Variants in PAG1 observed in about 807,000 individuals in gnomAD.
PAG1 encodes phosphoprotein associated with glycosphingolipid-enriched microdomains 1.
A neutral mutation model predicts 31.7 loss-of-function variants in PAG1; 23 were observed. The observed-to-expected ratio is 0.73, with a 90% confidence interval of 0.52 to 1.03. PAG1 has a LOEUF of 1.03. Ranked by LOEUF, PAG1 falls within the 50% of genes least tolerant of loss-of-function variation. PAG1 has a pLI of 0.00. For synonymous variants in PAG1, 214 were observed against 210.3 expected, an observed-to-expected ratio of 1.02 and a Z score of -0.15; for missense variants, 473 against 540.7, an observed-to-expected ratio of 0.87 and a Z score of 1.24.
At chr8:80,983,939 TACAA>T (rs1807359886) in intron 7 of PAG1, among the ~76,000 whole-genome samples, 1 of 152,376 alleles carries the variant, frequency 6.6e-6, no homozygotes, top group East Asian at 1.9e-4. Context: ...GTCTAATTTA[TACAA>T]ACAGAGTGAG....
At chr8:81,013,185 T>C (rs1270426248) in intron 3 of PAG1, among the ~76,000 whole-genome samples, 2 of 152,246 alleles carry the variant, frequency 1.3e-5, no homozygotes, top group Non-Finnish European at 2.9e-5. Flanking sequence ...TCTCCCTAGC[T>C]ATGAAATACC....
intron 2 of PAG1, among the ~76,000 whole-genome samples, chr8:81,068,981 C>T (rs984653007): frequency 6.6e-6 from 1 of 152,198 alleles, no homozygotes; most frequent in Non-Finnish European, 1.5e-5. Flanking sequence ...GAGAAAATGT[C>T]TAATCCCTGA....
In PAG1 at chr8:81,109,495, G is replaced by A. The variant is rs1260893598; in HGVS notation, c.-234+2096C>T. On this transcript the variant is annotated intron_variant, in intron 1 of 8. Transcript: ENST00000220597. ...GTGGTGGGGAATTGAGCAAGACAGT[G>A]TTAAATACCAGTTGGTGTCTGTATC... Among the ~76,000 whole-genome samples the A allele has an allele frequency of 2.6e-5, 4 of 152,316 alleles. No individual in the cohort carries two copies. In the East Asian group the frequency reaches 7.7e-4, roughly 29 times the overall value.
rs1185069924 is a variant in PAG1, at chr8:81,023,860, A to ATTAGATAATGTT, written c.-81+6135_-81+6136insAACATTATCTAA. 5.9e-5 allele frequency among the ~76,000 whole-genome samples: 9 copies of ATTAGATAATGTT among 152,278 alleles called. No homozygotes were observed. The East Asian group carries it at 1.7e-3, about 29-fold the overall frequency. On this transcript the variant is annotated intron_variant, in intron 3 of 8. Transcript: ENST00000220597. Reference sequence around the variant, plus strand: ...ACACACCCAGTTTAGGAAATAAAACATTATCTACACCATGAAAAGTCTGTA... The same window carrying ATTAGATAATGTT: ...ACACACCCAGTTTAGGAAATAAAACATTAGATAATGTTTTATCTACACCATGAAAAGTCTGTA...
rs1051879420 is a variant in PAG1 at position 81,057,508 on chromosome 8, T to C, written c.-175+12604A>G. On this transcript the variant is annotated intron_variant, in intron 2 of 8. Transcript: ENST00000220597. ...CACCACATGTTCTCATAGGTGGGAA[T>C]TGAACAATGAGAACACATGGACACA... 8.4e-5 allele frequency among the ~76,000 whole-genome samples: 12 copies of C among 142,438 alleles called. No individual in the cohort carries two copies. In the South Asian group the frequency reaches 8.8e-4, roughly 10 times the overall value. The allele number at this position is 142,438 out of a possible 152,430, so 93.4% of individuals were successfully genotyped here.
chr8:80,978,700 G>T (rs989499432), intron 8 of PAG1, among the ~76,000 whole-genome samples: 1 of 152,228 alleles, frequency 6.6e-6, no homozygotes, highest in Non-Finnish European at 1.5e-5. Context: ...CTCTGGGAAT[G>T]AACCTAGTGT....
chr8:81,053,227 A>G (rs1808761394), intron 2 of PAG1, among the ~76,000 whole-genome samples: 1 of 152,250 alleles, frequency 6.6e-6, no homozygotes, highest in African/African-American at 2.4e-5. Flanking sequence ...CCAGCCAATG[A>G]GGCCCTGAAT....
intron 1 of PAG1, among the ~76,000 whole-genome samples, chr8:81,086,872 TGA>T (rs757833204): frequency 3.3e-5 from 5 of 152,166 alleles, no homozygotes; most frequent in African/African-American, 9.7e-5. Context: ...GTACTGCTTG[TGA>T]GAAAGTAAAC....
intron 2 of PAG1, 68 bp from the exon 3 acceptor site, chr8:81,030,157 C>G (rs898529835): frequency 1.1e-4 from 17 of 152,332 alleles, no homozygotes; most frequent in African/African-American, 3.8e-4. Context: ...GATACTTGTT[C>G]AGTTCACTGT....
chr8:80,983,052 C>CT (rs1807340416), intron 7 of PAG1, among the ~76,000 whole-genome samples: 1 of 152,164 alleles, frequency 6.6e-6, no homozygotes, highest in Non-Finnish European at 1.5e-5. Context: ...AGTGTTCAGA[C>CT]TATAAGCCAA....
chr8:81,079,279 A>G lies in PAG1; in HGVS notation c.-233-9109T>C, dbSNP rs547600178. Among the ~76,000 whole-genome samples, 3 of 152,200 alleles carry G rather than the reference A, an allele frequency of 2.0e-5. No individual in the cohort carries two copies. In the South Asian group the frequency reaches 6.2e-4, roughly 32 times the overall value. ...ATGCCCAGCCTGGAAGGTCATCCCA[A>G]CACCACTCACGCAAACAAGGCAGCC... On this transcript the variant is annotated intron_variant, in intron 1 of 8. Coordinates refer to ENST00000220597, the MANE Select transcript of PAG1 (RefSeq NM_018440.4).
In PAG1 at chr8:80,990,539, C is replaced by CTCAT. The variant is rs2130482658; in HGVS notation, c.177+939_177+940insATGA. Among the ~76,000 whole-genome samples the CTCAT allele has an allele frequency of 6.6e-6, 1 of 152,276 alleles. No homozygotes were observed. The highest frequency in any genetic ancestry group is 1.5e-5 in the Non-Finnish European group (1 of 68,010). ...AGGGCAGATTCTGAACTCTGCCTTG[C>CTCAT]TAATGTGACGATGGGCCCCCTCCCC... On this transcript the variant is annotated intron_variant, in intron 5 of 8. Coordinates refer to ENST00000220597, the MANE Select transcript of PAG1 (RefSeq NM_018440.4). The surrounding 1 kb of genome is among the most constrained non-coding windows in gnomAD (Gnocchi z 5.1).
intron 3 of PAG1, among the ~76,000 whole-genome samples, chr8:81,012,074 T>C (rs1034871490): frequency 7.9e-5 from 12 of 152,248 alleles, no homozygotes; most frequent in African/African-American, 2.9e-4. Context: ...TTCATTTCCA[T>C]ACATGTCAGC....
chr8:81,070,734 T>C (rs1421564933), intron 1 of PAG1, among the ~76,000 whole-genome samples: 13 of 152,194 alleles, frequency 8.5e-5, no homozygotes, highest in Admixed American at 8.5e-4. Flanking sequence ...AATGTCTTCA[T>C]CTTTAAATAT....
chr8:81,053,287 T>G (rs1808762266), intron 2 of PAG1, among the ~76,000 whole-genome samples: 1 of 152,244 alleles, frequency 6.6e-6, no homozygotes, highest in South Asian at 2.1e-4. Flanking sequence ...AACTTTGAAG[T>G]GACAACTCAA....
At chr8:81,037,549 G>A (rs377355585) in intron 2 of PAG1, among the ~76,000 whole-genome samples, 1 of 152,202 alleles carries the variant, frequency 6.6e-6, no homozygotes, top group African/African-American at 2.4e-5. Context: ...TGTGCAGCAC[G>A]ATGTGTTTAA....
chr8:81,056,873 G>GA (rs1808832007), intron 2 of PAG1, among the ~76,000 whole-genome samples: 1 of 151,952 alleles, frequency 6.6e-6, no homozygotes, highest in South Asian at 2.1e-4. Flanking sequence ...AAATTTACAA[G>GA]AAAAAAACAA....
chr8:81,038,012 G>A (rs768025083), intron 2 of PAG1, among the ~76,000 whole-genome samples: 1 of 152,138 alleles, frequency 6.6e-6, no homozygotes, highest in Admixed American at 6.5e-5. Flanking sequence ...CTGGAACACC[G>A]GGTTGTCTCT....
chr8:81,064,330 T>C (rs1182269571), intron 2 of PAG1, among the ~76,000 whole-genome samples: 10 of 152,142 alleles, frequency 6.6e-5, no homozygotes, highest in African/African-American at 1.9e-4. Flanking sequence ...AATGCCACCA[T>C]TGATCTGACA....
Sources: gnomAD v4.1 joint callset for allele counts (sites outside exome capture counted in the v4.1 genomes callset) on GRCh38, gnomAD v4.1.1 for gene constraint, Gnocchi (gnomAD v3.1) non-coding constraint, MANE v1.5 for transcripts, NCBI Gene and HGNC (gene_info 2026-07-23, HGNC 2026-07-21) for gene names.